Variants in DCC observed in about 807,000 individuals in gnomAD.
DCC encodes the protein DCC netrin 1 receptor.
A neutral mutation model predicts 172.5 loss-of-function variants in DCC; 58 were observed. That is an observed-to-expected ratio of 0.34 (90% CI 0.27 to 0.42). The LOEUF (loss-of-function observed/expected upper bound fraction) is 0.42. Among genes scored for constraint, DCC ranks in the 10% least tolerant of loss-of-function variants. DCC has a pLI of 1.00. For missense variants in DCC, 1,740 were observed against 1,791.0 expected, an observed-to-expected ratio of 0.97 and a Z score of 0.51; for synonymous variants, 709 against 644.5, an observed-to-expected ratio of 1.10 and a Z score of -1.52.
chr18:52,870,703 G>A (rs1397802567), intron 2 of DCC, among the ~76,000 whole-genome samples: 2 of 107,018 alleles, frequency 1.9e-5, no homozygotes, highest in African/African-American at 7.8e-5. Context: ...CCCCCACCCA[G>A]CAACTGACTC....
chr18:52,881,399 G>C (rs573031453), intron 2 of DCC, among the ~76,000 whole-genome samples: 7 of 152,172 alleles, frequency 4.6e-5, no homozygotes, highest in African/African-American at 1.4e-4. Context: ...CTATGCTTAT[G>C]GGATGTTACT....
intron 2 of DCC, among the ~76,000 whole-genome samples, chr18:52,753,430 G>A (rs2037030809): frequency 6.6e-6 from 1 of 152,104 alleles, no homozygotes; most frequent in African/African-American, 2.4e-5. Context: ...ATATCTAAGG[G>A]AGGACTTCTC....
rs11873515 is a variant in DCC, at chr18:53,410,656, A to T, written c.3130+10A>T. 1 of 1,504,854 alleles carries T rather than the reference A, an allele frequency of 6.6e-7. No individual in the cohort carries two copies. The highest frequency in any genetic ancestry group is 1.7e-5 in the Admixed American group (1 of 59,822). 93.2% of individuals were successfully genotyped at this position (1,504,854 alleles called of 1,614,324 possible). On this transcript the variant is annotated intron_variant, in intron 20 of 28. Coordinates refer to ENST00000442544, the MANE Select transcript of DCC (RefSeq NM_005215.4). Reference sequence around the variant, plus strand: ...TTCAGGACTCTGAAAGGTTTGAATAATTTCCTATTATGCTTTTCTTTTCCT... The same window carrying T: ...TTCAGGACTCTGAAAGGTTTGAATATTTTCCTATTATGCTTTTCTTTTCCT...
At chr18:53,320,285 G>A (rs1199553236) in intron 13 of DCC, among the ~76,000 whole-genome samples, 1 of 151,928 alleles carries the variant, frequency 6.6e-6, no homozygotes, top group Admixed American at 6.6e-5. Context: ...TGTTAGCCAG[G>A]ATGGTCTCGA....
intron 1 of DCC, among the ~76,000 whole-genome samples, chr18:52,487,260 T>C (rs2030271954): frequency 1.3e-5 from 2 of 152,068 alleles, no homozygotes; most frequent in Non-Finnish European, 2.9e-5. Context: ...AAAGGGCACC[T>C]CATTATCGTA....
chr18:52,752,479 A>G, intron 2 of DCC, 105 bp downstream of exon 2: 2 of 879,608 alleles, frequency 2.3e-6, no homozygotes, highest in Admixed American at 2.2e-5. Flanking sequence ...ACATTTTAAA[A>G]ATCTTTTAAA....
At chr18:53,248,226 T>C (rs752233361) in intron 12 of DCC, among the ~76,000 whole-genome samples, 13 of 152,160 alleles carry the variant, frequency 8.5e-5, no homozygotes, top group Non-Finnish European at 1.8e-4. Flanking sequence ...CCCATCTCTT[T>C]ATGTATATGT....
intron 7 of DCC, among the ~76,000 whole-genome samples, chr18:53,138,728 C>T (rs1351813275): frequency 6.6e-6 from 1 of 152,160 alleles, no homozygotes; most frequent in East Asian, 1.9e-4. Context: ...ATATTTCAAA[C>T]AATATGACAG....
intron 1 of DCC, among the ~76,000 whole-genome samples, chr18:52,499,070 C>T (rs2030919150): frequency 6.6e-6 from 1 of 152,192 alleles, no homozygotes; most frequent in Non-Finnish European, 1.5e-5. Context: ...TCACTGTTAA[C>T]TGCCTGTCAT....
intron 1 of DCC, among the ~76,000 whole-genome samples, chr18:52,724,391 C>T (rs1424276711): frequency 1.3e-5 from 2 of 152,104 alleles, no homozygotes; most frequent in Non-Finnish European, 2.9e-5. Flanking sequence ...TCAAGTGATC[C>T]TCCCAACTCA....
chr18:52,605,171 A>T (rs1302596372), intron 1 of DCC, among the ~76,000 whole-genome samples: 1 of 152,122 alleles, frequency 6.6e-6, no homozygotes, highest in East Asian at 1.9e-4. Flanking sequence ...TCTGTTTGAG[A>T]CATAAATGTG....
chr18:53,437,394 C>T (rs1339104194), intron 22 of DCC, among the ~76,000 whole-genome samples: 1 of 151,846 alleles, frequency 6.6e-6, no homozygotes, highest in African/African-American at 2.4e-5. Flanking sequence ...TCCTGGCTAA[C>T]ACGGTGAAAC....
chr18:52,929,219 A>G (rs1262461495), intron 5 of DCC, among the ~76,000 whole-genome samples: 1 of 152,118 alleles, frequency 6.6e-6, no homozygotes, highest in Non-Finnish European at 1.5e-5. Flanking sequence ...GCATTTTAGC[A>G]CAGAAAGATA....
At chr18:53,175,176 T>C (rs569695482) in intron 8 of DCC, among the ~76,000 whole-genome samples, 1 of 152,236 alleles carries the variant, frequency 6.6e-6, no homozygotes, top group East Asian at 1.9e-4. Context: ...GGGACATATT[T>C]CCAAATAATA....
chr18:52,439,171 G>A (rs944198499), intron 1 of DCC, among the ~76,000 whole-genome samples: 1 of 55,190 alleles, frequency 1.8e-5, no homozygotes, highest in Non-Finnish European at 3.4e-5. Context: ...TGGAAGATAT[G>A]TTTTGTGTGT....
intron 7 of DCC, among the ~76,000 whole-genome samples, chr18:53,071,568 G>A: frequency 6.6e-6 from 1 of 152,128 alleles, no homozygotes; most frequent in South Asian, 2.1e-4. Context: ...CTGCACACAT[G>A]AGACTTTGCA....
chr18:52,730,278 G>A (rs530083126), intron 1 of DCC, among the ~76,000 whole-genome samples: 1 of 152,054 alleles, frequency 6.6e-6, no homozygotes, highest in African/African-American at 2.4e-5. Flanking sequence ...GTAAAGACCA[G>A]ACTGTGTTAG....
chr18:53,403,477 A>T (rs1909452238), intron 19 of DCC, among the ~76,000 whole-genome samples: 1 of 152,242 alleles, frequency 6.6e-6, no homozygotes, highest in African/African-American at 2.4e-5. Context: ...GATAACATCA[A>T]TGCCTAATTA....
chr18:52,508,381 A>C (rs1251835296), intron 1 of DCC, among the ~76,000 whole-genome samples: 1 of 152,216 alleles, frequency 6.6e-6, no homozygotes, highest in African/African-American at 2.4e-5. Context: ...TCAGAGTTCC[A>C]GTCTAAAGAA....
Sources: gnomAD v4.1 joint callset for allele counts (sites outside exome capture counted in the v4.1 genomes callset) on GRCh38, gnomAD v4.1.1 for gene constraint, MANE v1.5 for transcripts, NCBI Gene and HGNC (gene_info 2026-07-23, HGNC 2026-07-21) for gene names.